The following NDUFAF6 variants were observed in gnomAD, a reference collection of about 807,000 sequenced individuals.
NDUFAF6 encodes NADH:ubiquinone oxidoreductase complex assembly factor 6.
NDUFAF6 carries 45 observed loss-of-function variants against 40.8 expected under a neutral mutation model. The observed-to-expected ratio is 1.10, with a 90% CI of 0.87 to 1.42. The LOEUF (loss-of-function observed/expected upper bound fraction) is 1.42. NDUFAF6 is among the 40% of genes most tolerant of loss of function. NDUFAF6 has a pLI of 0.00. For synonymous variants in NDUFAF6, 185 were observed against 155.9 expected (o/e 1.19, Z -1.39); for missense variants, 435 against 418.5 (o/e 1.04, Z -0.34).
At chr8:94,962,370 G>A (rs548263343) in intron 1 of NDUFAF6, among the ~76,000 whole-genome samples, 1 of 152,342 alleles carries the variant, frequency 6.6e-6, no homozygotes, top group East Asian at 1.9e-4. Flanking sequence ...TTGGCTCACT[G>A]TAACCTCTGC....
intron 3 of NDUFAF6, among the ~76,000 whole-genome samples, chr8:95,041,101 G>T (rs1441025910): frequency 6.6e-6 from 1 of 152,108 alleles, no homozygotes. Context: ...TAGAAGTCAG[G>T]GTGGCTAGGC....
intron 9 of NDUFAF6, chr8:95,066,933 G>C (rs1832718258): frequency 6.6e-6 from 1 of 152,078 alleles, no homozygotes; most frequent in African/African-American, 2.4e-5. Flanking sequence ...ATAATAACCA[G>C]GAGAAGTGGC....
chr8:94,903,551 A>T (rs1309907163), intron 1 of NDUFAF6, among the ~76,000 whole-genome samples: 1 of 152,248 alleles, frequency 6.6e-6, no homozygotes, highest in Admixed American at 6.5e-5. Flanking sequence ...TTGTAGATAC[A>T]TACTTACGCA....
chr8:94,935,128 TATAGATAGATAGATAGATAG>T lies in NDUFAF6; in HGVS notation c.-935-10327_-935-10308del, dbSNP rs56734843. On this transcript the variant is annotated intron_variant, in intron 1 of 14. Transcript: ENST00000396113. The stretch of plus-strand genomic sequence containing the variant: ...GTAGGTAGGTACATAGGTAGATAGA[TATAGATAGATAGATAGATAG>T]ATAGATAGATAGATAGATAGATAGA... 5.5e-5 allele frequency among the ~76,000 whole-genome samples: 8 copies of T among 144,640 alleles called. No individual in the cohort carries two copies. In the East Asian group the frequency reaches 8.1e-4, roughly 15 times the overall value. 94.9% of individuals were successfully genotyped at this position (144,640 alleles called of 152,430 possible).
chr8:94,987,789 A>C (rs1046040028), intron 2 of NDUFAF6, among the ~76,000 whole-genome samples: 10 of 152,202 alleles, frequency 6.6e-5, no homozygotes, highest in Admixed American at 6.5e-4. Context: ...AACATTTTGC[A>C]TAATAAGTTC....
chr8:95,007,317 A>T (rs532377929), intron 2 of NDUFAF6, among the ~76,000 whole-genome samples: 20 of 151,986 alleles, frequency 1.3e-4, no homozygotes, highest in Non-Finnish European at 2.9e-5. Flanking sequence ...AAAAAAAAAA[A>T]ATTACAGCAC....
chr8:95,099,280 T>A (rs941376542), upstream of NDUFAF6, among the ~76,000 whole-genome samples: 1 of 150,600 alleles, frequency 6.6e-6, no homozygotes, highest in Non-Finnish European at 1.5e-5. Flanking sequence ...TCTTTCAGAG[T>A]ATATTCTTTC....
At chr8:94,923,851 T>C (rs1819671141) in intron 1 of NDUFAF6, among the ~76,000 whole-genome samples, 1 of 149,534 alleles carries the variant, frequency 6.7e-6, no homozygotes, top group Non-Finnish European at 1.5e-5. Flanking sequence ...GACTAATTTT[T>C]TTTTTTTTCT....
At chr8:95,001,770 A>T (rs548161845) in intron 2 of NDUFAF6, among the ~76,000 whole-genome samples, 78 of 152,218 alleles carry the variant, frequency 5.1e-4, no homozygotes, top group African/African-American at 1.8e-3. Context: ...AGTTGGATAC[A>T]ATCATGCATT....
At chr8:94,951,096 G>A (rs1822570596) in intron 2 of NDUFAF6, 1 of 152,246 alleles carries the variant, frequency 6.6e-6, no homozygotes, top group Non-Finnish European at 1.5e-5. Context: ...TCGTCATTAA[G>A]CAAAAGCATT....
downstream of NDUFAF6, among the ~76,000 whole-genome samples, chr8:95,106,147 C>A (rs1026686864): frequency 6.6e-6 from 1 of 151,954 alleles, no homozygotes; most frequent in Non-Finnish European, 1.5e-5. Context: ...TGGTGGCAGG[C>A]ACCTGTGGTC....
chr8:95,113,782 G>T (rs935133516), intron 4 of NDUFAF6, among the ~76,000 whole-genome samples: 1 of 152,198 alleles, frequency 6.6e-6, no homozygotes, highest in Admixed American at 6.5e-5. Context: ...AGGCAGAGAG[G>T]TTGCGGTGAG....
intron 4 of NDUFAF6, among the ~76,000 whole-genome samples, chr8:95,112,163 A>T (rs2044034): frequency 0.84 from 127,957 of 152,224 alleles, 54,285 homozygotes; most frequent in East Asian, 1. Context: ...AAAGACTAAG[A>T]GTGCAAAGGC....
At chr8:94,934,011 AG>A (rs1395083819) in intron 1 of NDUFAF6, among the ~76,000 whole-genome samples, 1 of 151,796 alleles carries the variant, frequency 6.6e-6, no homozygotes, top group African/African-American at 2.4e-5. Context: ...CGGGAGGCAG[AG>A]GTTGCAGTGA....
intron 1 of NDUFAF6, among the ~76,000 whole-genome samples, chr8:94,971,926 G>T (rs1223233679): frequency 6.7e-6 from 1 of 149,988 alleles, no homozygotes; most frequent in African/African-American, 2.4e-5. Flanking sequence ...CAACAAGAGC[G>T]GAAAAAAAAA....
chr8:95,051,936 A>G (rs1831481856), intron 7 of NDUFAF6, among the ~76,000 whole-genome samples: 1 of 152,164 alleles, frequency 6.6e-6, no homozygotes, highest in Admixed American at 6.5e-5. Flanking sequence ...GAGATATTGT[A>G]AGGTCGCTGG....
At chr8:94,997,973 G>A (rs1434264171) in intron 2 of NDUFAF6, among the ~76,000 whole-genome samples, 1 of 152,144 alleles carries the variant, frequency 6.6e-6, no homozygotes, top group African/African-American at 2.4e-5. Context: ...CTTAGAAAAT[G>A]AAATGCTGTC....
chr8:95,002,504 A>G (rs114638019), intron 2 of NDUFAF6, among the ~76,000 whole-genome samples: 1,536 of 152,328 alleles, frequency 0.01, 27 homozygotes, highest in African/African-American at 0.035. Flanking sequence ...ATCTGATAGA[A>G]AGGCCCAAGA....
chr8:95,081,994 G>A (rs1179678172), intron 2 of NDUFAF6, among the ~76,000 whole-genome samples: 1 of 152,174 alleles, frequency 6.6e-6, no homozygotes, highest in Non-Finnish European at 1.5e-5. Flanking sequence ...AACTCGGGAG[G>A]CGGAGCTTGC....
Sources: gnomAD v4.1 joint callset for allele counts (sites outside exome capture counted in the v4.1 genomes callset) on GRCh38, gnomAD v4.1.1 for gene constraint, MANE v1.5 for transcripts, NCBI Gene and HGNC (gene_info 2026-07-23, HGNC 2026-07-21) for gene names.